The following DDX46 variants were observed in gnomAD, a reference collection of about 807,000 sequenced individuals.
DDX46 encodes the protein probable ATP-dependent RNA helicase DDX46.
DDX46 carries 30 observed loss-of-function variants against 134.9 expected under a neutral mutation model. That is an observed-to-expected ratio of 0.22 (90% CI 0.17 to 0.30). DDX46 has a LOEUF of 0.30. Ranked by LOEUF, DDX46 falls within the 10% of genes least tolerant of loss-of-function variation. The probability of loss-of-function intolerance (pLI) is 1.00; values close to 1 mark genes in which losing one functional copy is unlikely to be tolerated. For missense variants in DDX46, 622 were observed against 1,248.7 expected (o/e 0.50, Z 7.56); for synonymous variants, 415 against 404.1 (o/e 1.03, Z -0.32).
intron 22 of DDX46, among the ~76,000 whole-genome samples, chr5:134,828,179 A>G (rs529789144): frequency 6.6e-6 from 1 of 151,994 alleles, no homozygotes; most frequent in South Asian, 2.1e-4. Context: ...TTGAAAGGAA[A>G]CGTTGTCTTT....
rs1303060320 is a variant in DDX46 at position 134,829,200 on chromosome 5, A to G, written c.*494A>G. The G allele has an allele frequency of 1.3e-5, 2 of 152,224 alleles. No homozygotes were observed. Among genetic ancestry groups the G allele is most frequent in the Non-Finnish European group, 2.9e-5 (2 of 68,026 alleles). The allele number at this position is 152,224 out of a possible 1,614,324, so 9.4% of individuals were successfully genotyped here. A position where few individuals can be genotyped will look rare whatever the true frequency, so the allele number is the denominator to read the frequency against. On this transcript the variant is annotated 3_prime_UTR_variant, in exon 23 of 23. Coordinates refer to ENST00000452510, the MANE Select transcript of DDX46 (RefSeq NM_001300860.2). ...AATGTTATAATAGAAGTCTTACAAA[A>G]TGGGTTGAGAGTTTTTGTTTCAATT...
intron 1 of DDX46, among the ~76,000 whole-genome samples, 182 bp from the exon 2 acceptor site, chr5:134,763,722 C>T (rs976120525): frequency 1.3e-5 from 2 of 152,162 alleles, no homozygotes; most frequent in African/African-American, 4.8e-5. Flanking sequence ...GATTTTCCAC[C>T]TCTACATGTG....
chr5:134,779,203 AT>A (rs988892907), intron 6 of DDX46, among the ~76,000 whole-genome samples: 1 of 145,576 alleles, frequency 6.9e-6, no homozygotes, highest in Non-Finnish European at 1.5e-5. Flanking sequence ...GTCCTATTTT[AT>A]TTTTTTTGAG....
intron 11 of DDX46, 65 bp from the exon 12 acceptor site, chr5:134,788,448 G>A: frequency 7.6e-7 from 1 of 1,314,670 alleles, no homozygotes; most frequent in Admixed American, 1.8e-5. Context: ...AGAACTAAAT[G>A]CAGTATTTTT....
intron 18 of DDX46, among the ~76,000 whole-genome samples, chr5:134,814,171 A>T (rs1755224634): frequency 6.6e-6 from 1 of 152,118 alleles, no homozygotes; most frequent in Non-Finnish European, 1.5e-5. Flanking sequence ...ATTGTTGTTA[A>T]TCTCTTAACT....
intron 6 of DDX46, among the ~76,000 whole-genome samples, chr5:134,779,636 C>G (rs556817653): frequency 9.1e-4 from 138 of 152,208 alleles, no homozygotes; most frequent in African/African-American, 3.3e-3. Context: ...GTAGTTAGGA[C>G]TACAGGCATG....
In DDX46 at chr5:134,823,490, G is replaced by T. The variant is rs17167673; in HGVS notation, c.2978-3457G>T. On this transcript the variant is annotated intron_variant, in intron 21 of 22. Coordinates refer to ENST00000452510, the MANE Select transcript of DDX46 (RefSeq NM_001300860.2). Reference sequence around the variant, plus strand: ...TTTCCCACTCTACCATTGAGTCATGGTAAGTTTCATACATATTTTTAAATG... The same window carrying T: ...TTTCCCACTCTACCATTGAGTCATGTTAAGTTTCATACATATTTTTAAATG... Among the ~76,000 whole-genome samples the T allele has an allele frequency of 8.3e-3, 1,269 of 152,234 alleles. 18 individuals carry two copies. Among genetic ancestry groups the T allele is most frequent in the African/African-American group, 0.028 (1,156 of 41,550 alleles).
At position 134,811,840 on chromosome 5, in the gene DDX46, G is replaced by A. The variant is rs1206208502; in HGVS notation, c.2431G>A (p.Val811Ile). 6.2e-7 allele frequency: 1 copy of A among 1,608,156 alleles called. No homozygotes were observed. Among genetic ancestry groups the A allele is most frequent in the East Asian group, 2.2e-5 (1 of 44,812 alleles). Reference sequence around the variant, plus strand: ...AGATTCAGATGATGAGGATGCTGCAGTTGATGTAAGTACTATTATTCTCTC... The same window carrying A: ...AGATTCAGATGATGAGGATGCTGCAATTGATGTAAGTACTATTATTCTCTC... ...LQDSDDEDAA[V>I]DIDEQIESMF... Residue 811 changes from valine (V) to isoleucine (I), a missense_variant, in exon 18 of 23, where the codon GTT becomes ATT. This residue lies in a region of DDX46 where 0 missense variants were observed against 22.3 expected (regional missense o/e 0.00). Coordinates refer to ENST00000452510, the MANE Select transcript of DDX46 (RefSeq NM_001300860.2).
chr5:134,804,401 C>T (rs1010510540), intron 15 of DDX46, among the ~76,000 whole-genome samples: 3 of 152,096 alleles, frequency 2.0e-5, no homozygotes, highest in African/African-American at 7.2e-5. Context: ...TAAGCGAGAC[C>T]TGAAAAAGAT....
At chr5:134,826,407 A>G (rs1201927477) in intron 21 of DDX46, 1 of 152,224 alleles carries the variant, frequency 6.6e-6, no homozygotes, top group East Asian at 1.9e-4. Context: ...ATTCTTCAAT[A>G]ATTAAGCATG....
intron 5 of DDX46, among the ~76,000 whole-genome samples, chr5:134,775,892 T>C (rs989269645): frequency 6.6e-6 from 1 of 152,106 alleles, no homozygotes; most frequent in Non-Finnish European, 1.5e-5. Flanking sequence ...AAAAATACAG[T>C]TGACCCTTGA....
intron 16 of DDX46, among the ~76,000 whole-genome samples, chr5:134,810,879 G>A (rs1473340166): frequency 1.3e-5 from 2 of 151,628 alleles, no homozygotes; most frequent in Admixed American, 6.6e-5. Flanking sequence ...AGTGGCAGGC[G>A]CCTATAATCC....
chr5:134,802,497 G>GTT (rs761764011), intron 15 of DDX46, among the ~76,000 whole-genome samples: 10 of 135,052 alleles, frequency 7.4e-5, no homozygotes, highest in Non-Finnish European at 9.8e-5. Context: ...CAACATTATC[G>GTT]TTTTTTTTTT....
intron 15 of DDX46, among the ~76,000 whole-genome samples, chr5:134,806,748 A>C (rs1242509978): frequency 5.9e-5 from 9 of 152,204 alleles, no homozygotes. Flanking sequence ...TCTTCCATTG[A>C]AAGCATGAGT....
At chr5:134,767,963 C>CA (rs897207843) in intron 3 of DDX46, among the ~76,000 whole-genome samples, 25 of 147,538 alleles carry the variant, frequency 1.7e-4, no homozygotes, top group African/African-American at 6.2e-4. Flanking sequence ...AAAAAAAAAA[C>CA]AAAAAAAAGT....
rs1452796902 is a variant in DDX46, at chr5:134,816,502, A to G, written c.2509A>G (p.Ser837Gly). Residue 837 changes from serine (S) to glycine (G), a missense_variant, in exon 19 of 23, where the codon AGT (serine) becomes GGT (glycine). Physicochemically the swap from Ser to Gly is moderately conservative, Grantham distance 56. Around this residue, in one of 8 missense-constraint regions of DDX46, gnomAD observed 18 missense variants for 17.0 expected, o/e 1.06. Coordinates refer to ENST00000452510, the MANE Select transcript of DDX46 (RefSeq NM_001300860.2). ...GGATATGGCTGCTCCTGGAACATCA[A>G]GTGTTCCTGCTCCAACTGCAGGAAA... ...VKDMAAPGTSSVPAPTAGNAE... is the reference protein window; with the variant it reads ...VKDMAAPGTSGVPAPTAGNAE... 1 of 1,613,938 alleles carries G rather than the reference A, an allele frequency of 6.2e-7. No individual in the cohort carries two copies. Among genetic ancestry groups the G allele is most frequent in the East Asian group, 2.2e-5 (1 of 44,846 alleles).
chr5:134,797,183 A>AC (rs1754685945), intron 15 of DDX46: 3 of 289,732 alleles, frequency 1.0e-5, no homozygotes, highest in Admixed American at 9.1e-5. Flanking sequence ...AAAAAAAAAA[A>AC]AAAAAAAAAA....
rs573170406 is a variant in DDX46, at chr5:134,770,882, T to A, written c.351-21T>A. 19 of 1,561,736 alleles carry A rather than the reference T, an allele frequency of 1.2e-5. No homozygotes were observed. The South Asian group carries it at 2.3e-4, about 19-fold the overall frequency. On this transcript the variant is annotated intron_variant, in intron 3 of 22. Coordinates refer to ENST00000452510, the MANE Select transcript of DDX46 (RefSeq NM_001300860.2). ...GTACAAATGAATGACATTTCTCTTGTCTCTTTTATTTTTTTGGTAGATCTA... is the reference window on the plus strand; with the variant it reads ...GTACAAATGAATGACATTTCTCTTGACTCTTTTATTTTTTTGGTAGATCTA...
chr5:134,764,839 A>C (rs1753511505), intron 2 of DDX46, among the ~76,000 whole-genome samples: 21 of 128,844 alleles, frequency 1.6e-4, no homozygotes, highest in African/African-American at 3.3e-4. Context: ...CCCTTCCTCC[A>C]TCTCTCTCTT....
Sources: allele counts gnomAD v4.1 joint callset (sites outside exome capture counted in the v4.1 genomes callset), GRCh38; gene constraint gnomAD v4.1.1; regional missense constraint gnomAD v4.1.1; transcripts MANE v1.5; gene names NCBI Gene and HGNC (gene_info 2026-07-23, HGNC 2026-07-21).